The following PHACTR1 variants were observed in gnomAD, a reference collection of about 807,000 sequenced individuals.
PHACTR1 encodes phosphatase and actin regulator 1.
A neutral mutation model predicts 69.2 loss-of-function variants in PHACTR1; 16 were observed. The ratio of observed to expected loss-of-function variants is 0.23; its 90% CI spans 0.16 to 0.35. The LOEUF (loss-of-function observed/expected upper bound fraction) is 0.35. Ranked by LOEUF, PHACTR1 falls within the 10% of genes least tolerant of loss-of-function variation. The pLI, the probability that PHACTR1 is intolerant of heterozygous loss-of-function variation, is 1.00. For synonymous variants in PHACTR1, 312 were observed against 284.5 expected, an observed-to-expected ratio of 1.10 and a Z score of -0.97; for missense variants, 510 against 734.7, an observed-to-expected ratio of 0.69 and a Z score of 3.54.
At chr6:12,796,329 G>A (rs1772996852) in intron 4 of PHACTR1, among the ~76,000 whole-genome samples, 1 of 152,196 alleles carries the variant, frequency 6.6e-6, no homozygotes, top group Admixed American at 6.5e-5. Flanking sequence ...TTGGAAGACT[G>A]CTTGATGCCC....
intron 12 of PHACTR1, chr6:13,279,664 G>A (rs138529508): frequency 5.8e-4 from 89 of 152,346 alleles, no homozygotes; most frequent in African/African-American, 1.9e-3. Context: ...ATGGCCAGAC[G>A]ACTGGCTGGG....
intron 4 of PHACTR1, among the ~76,000 whole-genome samples, chr6:12,825,901 T>TGAAAAGAAAA (rs143787723): frequency 1.1e-4 from 17 of 151,916 alleles, no homozygotes; most frequent in Non-Finnish European, 2.1e-4. Flanking sequence ...AAATAACACA[T>TGAAAAGAAAA]GAAAAGAAAA....
intron 4 of PHACTR1, among the ~76,000 whole-genome samples, chr6:12,960,969 A>G (rs1040159237): frequency 6.6e-6 from 1 of 152,246 alleles, no homozygotes; most frequent in African/African-American, 2.4e-5. Flanking sequence ...GTCCAAAGAC[A>G]GTAGCATAAT....
At chr6:13,208,016 C>A (rs1194451617) in intron 8 of PHACTR1, among the ~76,000 whole-genome samples, 1 of 152,062 alleles carries the variant, frequency 6.6e-6, no homozygotes, top group African/African-American at 2.4e-5. Flanking sequence ...AACACCTGCC[C>A]TTGCTGCAAA....
At chr6:12,982,753 A>T (rs1454654099) in intron 4 of PHACTR1, among the ~76,000 whole-genome samples, 1 of 152,234 alleles carries the variant, frequency 6.6e-6, no homozygotes, top group Non-Finnish European at 1.5e-5. Flanking sequence ...TAGACTTGAA[A>T]TTGAACAACT....
At chr6:13,174,851 G>A (rs1160520857) in intron 6 of PHACTR1, among the ~76,000 whole-genome samples, 1 of 151,906 alleles carries the variant, frequency 6.6e-6, no homozygotes, top group Non-Finnish European at 1.5e-5. Context: ...AGTGATTTTG[G>A]TACTAACTTC....
chr6:12,767,255 G>A (rs1768749568), intron 4 of PHACTR1, among the ~76,000 whole-genome samples: 1 of 152,148 alleles, frequency 6.6e-6, no homozygotes, highest in Non-Finnish European at 1.5e-5. Flanking sequence ...TTGCCAGCTG[G>A]CAAGGTGCAT....
Position 13,245,390 on chromosome 6 carries a change from G to T in PHACTR1, c.1391+15197G>T, listed in dbSNP as rs1341466584. On this transcript the variant is annotated intron_variant, in intron 10 of 14. Transcript: ENST00000332995. This position sits in a 1 kb window ranked among gnomAD's most constrained non-coding sequence, Gnocchi z 4.1. ...CATTCTGACTGGTGTGAGATGATAT[G>T]TGGTTTTGATTTGCATTTCTCTAAT... Among the ~76,000 whole-genome samples, 2 of 152,170 alleles carry T rather than the reference G, an allele frequency of 1.3e-5. No individual in the cohort carries two copies. Among genetic ancestry groups the T allele is most frequent in the African/African-American group, 4.8e-5 (2 of 41,422 alleles).
intron 4 of PHACTR1, among the ~76,000 whole-genome samples, chr6:13,041,337 CAT>C (rs1421506610): frequency 1.3e-4 from 16 of 120,396 alleles, no homozygotes; most frequent in Non-Finnish European, 2.0e-4. Flanking sequence ...AATTAAAATA[CAT>C]ACACACACAC....
chr6:12,909,687 C>A (rs1786150916), intron 4 of PHACTR1, among the ~76,000 whole-genome samples: 1 of 152,150 alleles, frequency 6.6e-6, no homozygotes, highest in African/African-American at 2.4e-5. Context: ...GTACAGTTGC[C>A]AAGTGGAGTC....
chr6:13,078,127 C>G (rs1339827670), intron 5 of PHACTR1, among the ~76,000 whole-genome samples: 1 of 152,070 alleles, frequency 6.6e-6, no homozygotes, highest in Non-Finnish European at 1.5e-5. Context: ...CCCTATGGGG[C>G]AGCTGTATCA....
intron 4 of PHACTR1, among the ~76,000 whole-genome samples, chr6:12,868,324 A>G (rs943617992): frequency 6.6e-6 from 1 of 151,286 alleles, no homozygotes; most frequent in Admixed American, 6.6e-5. Flanking sequence ...TAACCCTACC[A>G]TATTTCTGAA....
chr6:13,108,993 C>A (rs1583395929), intron 5 of PHACTR1, among the ~76,000 whole-genome samples: 1 of 151,752 alleles, frequency 6.6e-6, no homozygotes, highest in Admixed American at 6.6e-5. Flanking sequence ...TTATTGATTG[C>A]TCTGGGATTT....
At chr6:13,112,433 T>C (rs1817193260) in intron 5 of PHACTR1, among the ~76,000 whole-genome samples, 1 of 152,218 alleles carries the variant, frequency 6.6e-6, no homozygotes, top group African/African-American at 2.4e-5. Flanking sequence ...TGCTTTTAGG[T>C]CTTTGAGGAA....
At chr6:13,040,451 C>T (rs997667368) in intron 4 of PHACTR1, among the ~76,000 whole-genome samples, 2 of 152,186 alleles carry the variant, frequency 1.3e-5, no homozygotes, top group African/African-American at 4.8e-5. Context: ...CATTAAAAAA[C>T]CATATTGCAA....
intron 6 of PHACTR1, among the ~76,000 whole-genome samples, chr6:13,177,364 G>GCT (rs60383041): frequency 0.22 from 31,868 of 145,670 alleles, 4,299 homozygotes; most frequent in East Asian, 0.43. Context: ...TCTCTCTTGC[G>GCT]CTCTCTCTCT....
Position 12,777,241 on chromosome 6 carries a change from A to AT in PHACTR1, c.250+27458dup, listed in dbSNP as rs57971928. ...CGGTTTTATATATATATATATATAT[A>AT]TTTTTTTAATTTTTATTTTAGGTTC... On this transcript the variant is annotated intron_variant, in intron 4 of 14. Coordinates refer to ENST00000332995, the MANE Select transcript of PHACTR1 (RefSeq NM_030948.6). 4.7e-3 allele frequency among the ~76,000 whole-genome samples: 631 copies of AT among 134,152 alleles called. 3 individuals carry two copies. The highest frequency in any genetic ancestry group is 0.013 in the Middle Eastern group (3 of 234). The allele number at this position is 134,152 out of a possible 152,430, so 88.0% of individuals were successfully genotyped here.
At chr6:12,757,190 C>T (rs9369560) in intron 4 of PHACTR1, among the ~76,000 whole-genome samples, 70,034 of 151,736 alleles carry the variant, frequency 0.46, 17,130 homozygotes, top group East Asian at 0.77. Context: ...TTCTTCAGTG[C>T]GGGTAAAAGA....
At chr6:12,843,859 T>C (rs983952695) in intron 4 of PHACTR1, among the ~76,000 whole-genome samples, 1 of 152,224 alleles carries the variant, frequency 6.6e-6, no homozygotes, top group East Asian at 1.9e-4. Flanking sequence ...AATATTTGTA[T>C]ACAATGTTTT....
Sources: allele counts gnomAD v4.1 joint callset (sites outside exome capture counted in the v4.1 genomes callset), GRCh38; gene constraint gnomAD v4.1.1; non-coding constraint Gnocchi (gnomAD v3.1); transcripts MANE v1.5; gene names NCBI Gene and HGNC (gene_info 2026-07-23, HGNC 2026-07-21).